Variants in HPSE2 observed in about 807,000 individuals in gnomAD.
HPSE2 encodes the protein inactive heparanase-2.
HPSE2 carries 38 observed loss-of-function variants against 60.5 expected under a neutral mutation model. The ratio of observed to expected loss-of-function variants is 0.63; its 90% CI spans 0.48 to 0.82. The LOEUF is 0.82. Among genes scored for constraint, HPSE2 ranks in the 40% least tolerant of loss-of-function variants. The pLI, the probability that HPSE2 is intolerant of heterozygous loss-of-function variation, is 0.00. For missense variants in HPSE2, 713 were observed against 740.4 expected, an observed-to-expected ratio of 0.96 and a Z score of 0.43; for synonymous variants, 295 against 293.2, an observed-to-expected ratio of 1.01 and a Z score of -0.06.
At chr10:99,167,336 T>A (rs1286325274) in intron 2 of HPSE2, among the ~76,000 whole-genome samples, 4 of 152,162 alleles carry the variant, frequency 2.6e-5, no homozygotes, top group African/African-American at 7.2e-5. Context: ...ATCTAAAAAC[T>A]TTTTGCTAAT....
chr10:98,820,549 C>A (rs1260328787), intron 3 of HPSE2, among the ~76,000 whole-genome samples: 1 of 152,156 alleles, frequency 6.6e-6, no homozygotes, highest in Non-Finnish European at 1.5e-5. Context: ...CCCAGATCCC[C>A]TGGGCTAAAA....
chr10:98,650,152 C>T (rs1419505678), intron 6 of HPSE2, among the ~76,000 whole-genome samples: 2 of 152,172 alleles, frequency 1.3e-5, no homozygotes, highest in East Asian at 3.8e-4. Flanking sequence ...CACTTTTGAG[C>T]AGAAATTAAG....
At chr10:99,252,765 T>C in the HPSE2 span, among the ~76,000 whole-genome samples, 1 of 151,252 alleles carries the variant, frequency 6.6e-6, no homozygotes, top group African/African-American at 2.4e-5. Context: ...TAGTCCCAGC[T>C]ACTCGAGAGG....
intron 9 of HPSE2, among the ~76,000 whole-genome samples, chr10:98,589,514 T>C (rs1945029686): frequency 6.6e-6 from 1 of 152,204 alleles, no homozygotes; most frequent in Non-Finnish European, 1.5e-5. Flanking sequence ...ATCTTCCTCC[T>C]TTTAGTTTCC....
chr10:99,004,181 T>C (rs960867704), intron 3 of HPSE2, among the ~76,000 whole-genome samples: 6 of 151,830 alleles, frequency 4.0e-5, no homozygotes, highest in African/African-American at 1.5e-4. Context: ...TTGGCCCAGC[T>C]TTTTTTTAAT....
intron 2 of HPSE2, among the ~76,000 whole-genome samples, chr10:99,206,002 G>C (rs968534151): frequency 6.6e-6 from 1 of 152,186 alleles, no homozygotes; most frequent in African/African-American, 2.4e-5. Flanking sequence ...AGTGTCACTG[G>C]TGATGCTGGA....
At chr10:98,571,724 G>A (rs1335942823) in intron 9 of HPSE2, among the ~76,000 whole-genome samples, 9 of 152,246 alleles carry the variant, frequency 5.9e-5, no homozygotes, top group Middle Eastern at 3.4e-3. Flanking sequence ...AGAAATGAAG[G>A]CATTCAAAGG....
chr10:98,964,005 TG>T (rs1424511171), intron 3 of HPSE2, among the ~76,000 whole-genome samples: 1 of 152,128 alleles, frequency 6.6e-6, no homozygotes, highest in Non-Finnish European at 1.5e-5. Context: ...TGCAAGTCAA[TG>T]GGAAAAATAG....
chr10:99,228,085 G>A (rs1198992775), intron 2 of HPSE2, among the ~76,000 whole-genome samples: 1 of 151,934 alleles, frequency 6.6e-6, no homozygotes, highest in African/African-American at 2.4e-5. Flanking sequence ...AGGTGAGATG[G>A]AATAAGCTCT....
At chr10:98,552,889 G>A (rs549579105) in intron 9 of HPSE2, among the ~76,000 whole-genome samples, 21 of 152,052 alleles carry the variant, frequency 1.4e-4, no homozygotes, top group African/African-American at 4.3e-4. Context: ...TATTAGAGTC[G>A]TCCATCAGCT....
At chr10:98,755,477 A>C (rs1589770453) in intron 3 of HPSE2, among the ~76,000 whole-genome samples, 1 of 152,260 alleles carries the variant, frequency 6.6e-6, no homozygotes. Flanking sequence ...GAAAACTCCA[A>C]AGATATTTGG....
intron 6 of HPSE2, among the ~76,000 whole-genome samples, chr10:98,659,418 C>G (rs1402731986): frequency 6.6e-6 from 1 of 152,170 alleles, no homozygotes; most frequent in Non-Finnish European, 1.5e-5. Flanking sequence ...AAATGGAATC[C>G]TACAGTATGT....
chr10:98,990,643 T>G lies in HPSE2; in HGVS notation c.610+153595A>C, dbSNP rs571539491. Reference sequence around the variant, plus strand: ...GCACTTATAATACCATGATAGTAGCTTGAACAACATGATGTCAAATGAGTC... The same window carrying G: ...GCACTTATAATACCATGATAGTAGCGTGAACAACATGATGTCAAATGAGTC... On this transcript the variant is annotated intron_variant, in intron 3 of 11. Coordinates refer to ENST00000370552, the MANE Select transcript of HPSE2 (RefSeq NM_021828.5). Among the ~76,000 whole-genome samples the G allele has an allele frequency of 6.6e-5, 10 of 152,324 alleles. No individual in the cohort carries two copies. In the East Asian group the frequency reaches 1.5e-3, roughly 23 times the overall value.
chr10:98,863,464 G>C (rs1448256781), intron 3 of HPSE2, among the ~76,000 whole-genome samples: 1 of 152,150 alleles, frequency 6.6e-6, no homozygotes, highest in Non-Finnish European at 1.5e-5. Context: ...AACTTGTCCT[G>C]TGAACTACCC....
At chr10:99,256,488 A>T in the HPSE2 span, among the ~76,000 whole-genome samples, 2 of 148,874 alleles carry the variant, frequency 1.3e-5, no homozygotes, top group Admixed American at 6.7e-5. Flanking sequence ...TCTGTTCATT[A>T]TAAATTACCC....
intron 9 of HPSE2, among the ~76,000 whole-genome samples, chr10:98,511,858 A>G (rs1220319016): frequency 6.6e-6 from 1 of 152,208 alleles, no homozygotes; most frequent in Non-Finnish European, 1.5e-5. Flanking sequence ...GTTTAATCTC[A>G]ACAGTTTTTG....
At chr10:98,829,587 G>A (rs554450603) in intron 3 of HPSE2, among the ~76,000 whole-genome samples, 1 of 152,176 alleles carries the variant, frequency 6.6e-6, no homozygotes, top group East Asian at 1.9e-4. Flanking sequence ...GCGCAACAAT[G>A]TGAATCTCTT....
intron 3 of HPSE2, among the ~76,000 whole-genome samples, chr10:98,956,558 C>T (rs962469845): frequency 1.3e-5 from 2 of 152,070 alleles, no homozygotes; most frequent in Non-Finnish European, 2.9e-5. Flanking sequence ...TAGTGAATAC[C>T]CTTTCTCCCA....
chr10:98,800,360 C>T (rs1256804772), intron 3 of HPSE2, among the ~76,000 whole-genome samples: 1 of 147,268 alleles, frequency 6.8e-6, no homozygotes, highest in Non-Finnish European at 1.5e-5. Context: ...AGAGTGAGAC[C>T]CTATCTCAAA....
Sources: allele counts gnomAD v4.1 joint callset (sites outside exome capture counted in the v4.1 genomes callset), GRCh38; gene constraint gnomAD v4.1.1; transcripts MANE v1.5; gene names NCBI Gene and HGNC (gene_info 2026-07-23, HGNC 2026-07-21).